CYTH1: variants seen among roughly 807,000 people sequenced by gnomAD.
CYTH1 encodes the protein cytohesin 1.
Under a neutral mutation model 61.8 loss-of-function variants are expected in CYTH1, and 18 were observed. That is an observed-to-expected ratio of 0.29 (90% CI 0.20 to 0.43). The LOEUF is 0.43. Ranked by LOEUF, CYTH1 falls within the 20% of genes least tolerant of loss-of-function variation. The probability of loss-of-function intolerance (pLI) is 1.00; values close to 1 mark genes in which losing one functional copy is unlikely to be tolerated. For missense variants in CYTH1, 336 were observed against 510.5 expected (o/e 0.66, Z 3.29); for synonymous variants, 174 against 184.3 (o/e 0.94, Z 0.45).
In CYTH1 at chr17:78,701,642, C is replaced by T. The variant is rs756511252; in HGVS notation, c.437+29G>A. The T allele has an allele frequency of 5.0e-6, 8 of 1,610,408 alleles. No individual in the cohort carries two copies. In the Admixed American group the frequency reaches 5.0e-5, roughly 10 times the overall value. On this transcript the variant is annotated intron_variant, in intron 6 of 13. Transcript: ENST00000446868. ...ATCAAAGGCTAGCCTCCCACTCCTT[C>T]CAAAGGGGCTCACCTCAAGAATACT...
chr17:78,751,664 C>T (rs71385985), intron 1 of CYTH1, among the ~76,000 whole-genome samples: 3,125 of 152,126 alleles, frequency 0.021, 96 homozygotes, highest in South Asian at 0.15. Context: ...GACTGATTTG[C>T]GGGTTACAAA....
chr17:78,776,112 G>A (rs912122261), intron 1 of CYTH1, among the ~76,000 whole-genome samples: 2 of 152,078 alleles, frequency 1.3e-5, no homozygotes, highest in Non-Finnish European at 2.9e-5. Context: ...CTAAGATCAC[G>A]CCACTGCACT....
At chr17:78,751,078 G>C (rs1409089933) in intron 1 of CYTH1, among the ~76,000 whole-genome samples, 1 of 151,710 alleles carries the variant, frequency 6.6e-6, no homozygotes, top group Admixed American at 6.6e-5. Flanking sequence ...CTACCTCCCA[G>C]ACTCAAGCAA....
intron 1 of CYTH1, among the ~76,000 whole-genome samples, chr17:78,740,443 A>T (rs1242141896): frequency 6.6e-6 from 1 of 152,140 alleles, no homozygotes; most frequent in Non-Finnish European, 1.5e-5. Flanking sequence ...CAAAAGAGGG[A>T]CTCTGACTGG....
At chr17:78,739,712 G>C (rs1055083915) in intron 1 of CYTH1, among the ~76,000 whole-genome samples, 47 of 152,312 alleles carry the variant, frequency 3.1e-4, no homozygotes, top group African/African-American at 1.1e-3. Flanking sequence ...GAACAGACTG[G>C]AGACAGCCAG....
intron 11 of CYTH1, among the ~76,000 whole-genome samples, chr17:78,681,506 C>T (rs951458262): frequency 3.9e-5 from 6 of 152,152 alleles, no homozygotes; most frequent in African/African-American, 7.2e-5. Flanking sequence ...ATCGCCCCAC[C>T]GCCAGACAGT....
Position 78,700,351 on chromosome 17 carries a change from T to C in CYTH1, c.530A>G (p.Asn177Ser). Residue 177 changes from asparagine (N) to serine (S), a missense_variant, in exon 7 of 14, where the codon AAT becomes AGT. This residue lies in a region of CYTH1 where 125 missense variants were observed against 209.9 expected (regional missense o/e 0.60). Transcript: ENST00000446868. This position sits in a 1 kb window ranked among gnomAD's most constrained non-coding sequence, Gnocchi z 5.1. ...TTTACCCGTGGACTGGAACACGCCA[T>C]TATTGCACTGACAATATCGCTGGGC... is the stretch of plus-strand genomic sequence containing the variant. Reference protein sequence around the residue: ...AFAQRYCQCNNGVFQSTDTCY... With the variant: ...AFAQRYCQCNSGVFQSTDTCY... The C allele has an allele frequency of 6.2e-7, 1 of 1,613,026 alleles. No homozygotes were observed. The highest frequency in any genetic ancestry group is 1.3e-5 in the African/African-American group (1 of 75,018).
chr17:78,720,191 G>C (rs2093216143), intron 1 of CYTH1, among the ~76,000 whole-genome samples: 2 of 152,094 alleles, frequency 1.3e-5, no homozygotes, highest in Non-Finnish European at 2.9e-5. Flanking sequence ...ATGAACGTAT[G>C]AATGTACTAC....
At chr17:78,727,594 A>C in intron 1 of CYTH1, 1 of 452,988 alleles carries the variant, frequency 2.2e-6, no homozygotes. Flanking sequence ...GAAGGAGCTG[A>C]CTAGGGCACC....
intron 11 of CYTH1, among the ~76,000 whole-genome samples, chr17:78,687,139 A>G (rs1013712648): frequency 1.3e-5 from 2 of 152,084 alleles, no homozygotes; most frequent in African/African-American, 4.8e-5. Context: ...TATATAATGA[A>G]ATAATTATAC....
intron 1 of CYTH1, among the ~76,000 whole-genome samples, chr17:78,735,006 C>T (rs564247198): frequency 1.6e-4 from 24 of 152,090 alleles, no homozygotes; most frequent in Admixed American, 2.6e-4. Context: ...CTGTCTCTCA[C>T]GGCAATGTCT....
In CYTH1 at chr17:78,680,237, G is replaced by A; in HGVS notation, c.1071C>T (p.Ile357=). 2 of 1,614,150 alleles carry A rather than the reference G, an allele frequency of 1.2e-6. No individual in the cohort carries two copies. The highest frequency in any genetic ancestry group is 1.7e-6 in the Non-Finnish European group (2 of 1,180,022). ...VVEGNHTVYR[I]SAPTPEEKEE... ...CCTTCTCCTCGGGCGTCGGAGCTGAGATCCGGTAAACAGTGTGGTTCCCCT... is the reference window on the plus strand; with the variant it reads ...CCTTCTCCTCGGGCGTCGGAGCTGAAATCCGGTAAACAGTGTGGTTCCCCT... Residue 357 remains isoleucine (I), a synonymous_variant, in exon 13 of 14, where the codon ATC becomes ATT. Coordinates refer to ENST00000446868, the MANE Select transcript of CYTH1 (RefSeq NM_004762.6).
chr17:78,698,792 T>C, intron 8 of CYTH1, 28 bp downstream of exon 8: 1 of 1,543,914 alleles, frequency 6.5e-7, no homozygotes, highest in Non-Finnish European at 8.7e-7. Context: ...TTTCTTGACT[T>C]GAATGAAGAC....
intron 13 of CYTH1, among the ~76,000 whole-genome samples, chr17:78,678,662 G>C (rs1000303442): frequency 3.3e-5 from 5 of 152,304 alleles, no homozygotes; most frequent in Non-Finnish European, 5.9e-5. Flanking sequence ...ATTACTGGTA[G>C]GGGACTCTGA....
intron 1 of CYTH1, among the ~76,000 whole-genome samples, chr17:78,764,832 C>T (rs1405090498): frequency 1.3e-5 from 2 of 151,982 alleles, no homozygotes; most frequent in African/African-American, 2.4e-5. Flanking sequence ...GGGAGAGTAA[C>T]AAAAGGGATG....
rs370331141 is a variant in CYTH1 at position 78,701,628 on chromosome 17, G to A, written c.437+43C>T. 33 of 1,571,272 alleles carry A rather than the reference G, an allele frequency of 2.1e-5. No homozygotes were observed. In the African/African-American group the frequency reaches 3.9e-4, roughly 19 times the overall value. ...AGGACAGACTCATGATCAAAGGCTA[G>A]CCTCCCACTCCTTCCAAAGGGGCTC... is the stretch of plus-strand genomic sequence containing the variant. On this transcript the variant is annotated intron_variant, in intron 6 of 13. Coordinates refer to ENST00000446868, the MANE Select transcript of CYTH1 (RefSeq NM_004762.6).
intron 13 of CYTH1, chr17:78,676,435 G>C: frequency 4.1e-6 from 2 of 487,616 alleles, no homozygotes; most frequent in Non-Finnish European, 7.3e-6. Flanking sequence ...TTCACATTTA[G>C]GAACAGAATC....
At chr17:78,753,431 C>T (rs968209201) in intron 1 of CYTH1, among the ~76,000 whole-genome samples, 37 of 152,186 alleles carry the variant, frequency 2.4e-4, no homozygotes, top group African/African-American at 7.9e-4. Flanking sequence ...TCAACACTTT[C>T]GGGAGGATCA....
At chr17:78,732,169 C>G (rs184883028) in intron 1 of CYTH1, among the ~76,000 whole-genome samples, 2 of 152,196 alleles carry the variant, frequency 1.3e-5, no homozygotes, top group African/African-American at 4.8e-5. Flanking sequence ...CTCTTAATGC[C>G]CAGACCTGTG....
Sources: gnomAD v4.1 joint callset for allele counts (sites outside exome capture counted in the v4.1 genomes callset) on GRCh38, gnomAD v4.1.1 for gene constraint, gnomAD v4.1.1 regional missense constraint, Gnocchi (gnomAD v3.1) non-coding constraint, MANE v1.5 for transcripts, NCBI Gene and HGNC (gene_info 2026-07-23, HGNC 2026-07-21) for gene names.